Variants in XKR4 observed in about 807,000 individuals in gnomAD.
XKR4 encodes the protein XK related 4.
A neutral mutation model predicts 53.9 loss-of-function variants in XKR4; 12 were observed. The observed-to-expected ratio is 0.22, with a 90% CI of 0.14 to 0.36. The LOEUF (loss-of-function observed/expected upper bound fraction) is 0.36. Ranked by LOEUF, XKR4 falls within the 10% of genes least tolerant of loss-of-function variation. XKR4 has a pLI of 1.00. For synonymous variants in XKR4, 354 were observed against 362.4 expected (o/e 0.98, Z 0.26); for missense variants, 799 against 859.5 (o/e 0.93, Z 0.88).
At chr8:55,106,290 A>G (rs966590467) in intron 1 of XKR4, among the ~76,000 whole-genome samples, 3 of 152,194 alleles carry the variant, frequency 2.0e-5, no homozygotes, top group African/African-American at 7.2e-5. Flanking sequence ...TAAGATTTGC[A>G]TGTATTTATA....
At chr8:55,345,721 T>C (rs572384926) in intron 1 of XKR4, among the ~76,000 whole-genome samples, 2 of 152,324 alleles carry the variant, frequency 1.3e-5, no homozygotes, top group East Asian at 3.9e-4. Context: ...ACATGCACAC[T>C]CATTGCTTTG....
intron 1 of XKR4, among the ~76,000 whole-genome samples, chr8:55,192,212 TAA>T (rs1356399374): frequency 4.3e-3 from 615 of 142,922 alleles, no homozygotes; most frequent in Non-Finnish European, 5.3e-3. Context: ...TTAAGGGACT[TAA>T]TACAATTCTT....
intron 1 of XKR4, among the ~76,000 whole-genome samples, chr8:55,124,524 ATTTT>A (rs1186876328): frequency 6.6e-6 from 1 of 152,100 alleles, no homozygotes; most frequent in African/African-American, 2.4e-5. Context: ...AGTTGGTGTC[ATTTT>A]TAATCTTTTC....
At chr8:55,455,770 C>A (rs1805560650) in intron 2 of XKR4, among the ~76,000 whole-genome samples, 1 of 152,170 alleles carries the variant, frequency 6.6e-6, no homozygotes. Flanking sequence ...AAGGCCATGG[C>A]AGACTTGAGA....
intron 1 of XKR4, among the ~76,000 whole-genome samples, chr8:55,268,634 A>T (rs1402012789): frequency 2.0e-5 from 3 of 152,182 alleles, no homozygotes; most frequent in Non-Finnish European, 4.4e-5. Context: ...GATAGTTAGG[A>T]AGACAATTAA....
At chr8:55,450,593 T>C in intron 2 of XKR4, 1 of 728,172 alleles carries the variant, frequency 1.4e-6, no homozygotes, top group South Asian at 1.4e-5. Context: ...CTGGCTGAAC[T>C]CAAACTCCAT....
chr8:55,292,297 C>T (rs183302863), intron 1 of XKR4, among the ~76,000 whole-genome samples: 7 of 151,898 alleles, frequency 4.6e-5, no homozygotes, highest in South Asian at 2.1e-4. Context: ...GAGATTTTTG[C>T]GGGGAGAGTC....
intron 1 of XKR4, among the ~76,000 whole-genome samples, chr8:55,281,170 C>G (rs189909280): frequency 1.3e-5 from 2 of 152,272 alleles, no homozygotes; most frequent in African/African-American, 4.8e-5. Flanking sequence ...TCTGCAGGAG[C>G]TGGGCATTGA....
intron 1 of XKR4, among the ~76,000 whole-genome samples, chr8:55,166,756 G>T (rs1817070902): frequency 6.6e-6 from 1 of 152,148 alleles, no homozygotes; most frequent in African/African-American, 2.4e-5. Flanking sequence ...ATGTTCAAGG[G>T]CAGCAAGAAG....
intron 2 of XKR4, chr8:55,451,929 G>A: frequency 1.3e-6 from 1 of 788,986 alleles, no homozygotes; most frequent in Non-Finnish European, 2.2e-6. Context: ...GGTCCTCAGA[G>A]GGCGGCTGGC....
chr8:55,358,201 T>C (rs552401915), intron 2 of XKR4, among the ~76,000 whole-genome samples: 1 of 152,278 alleles, frequency 6.6e-6, no homozygotes, highest in East Asian at 1.9e-4. Context: ...TTTCCAAAAG[T>C]TGCAAAGAAA....
chr8:55,451,131 T>C (rs1805435032), intron 2 of XKR4: 4 of 517,576 alleles, frequency 7.7e-6, no homozygotes, highest in African/African-American at 1.9e-5. Context: ...GAGGGCTGCT[T>C]GCTGTGGCCA....
rs139781086 is a variant in XKR4, at chr8:55,293,535, T to C, written c.807-64143T>C. On this transcript the variant is annotated intron_variant, in intron 1 of 2. Transcript: ENST00000327381. ...AAATGACATCACATACATTTTATCATTTATATCTGCTTAAGTTTTGAGAAA... is the reference window on the plus strand; with the variant it reads ...AAATGACATCACATACATTTTATCACTTATATCTGCTTAAGTTTTGAGAAA... Among the ~76,000 whole-genome samples, 398 of 152,310 alleles carry C rather than the reference T, an allele frequency of 2.6e-3. 1 individual carries two copies. Among genetic ancestry groups the C allele is most frequent in the African/African-American group, 8.4e-3 (348 of 41,566 alleles).
chr8:55,328,549 C>T (rs541124685), intron 1 of XKR4, among the ~76,000 whole-genome samples: 21 of 152,320 alleles, frequency 1.4e-4, no homozygotes, highest in African/African-American at 4.8e-4. Context: ...TGACCTCTTA[C>T]TTGAAGAGCA....
At chr8:55,352,706 G>C (rs1321152344) in intron 1 of XKR4, among the ~76,000 whole-genome samples, 5 of 152,172 alleles carry the variant, frequency 3.3e-5, no homozygotes, top group Non-Finnish European at 7.3e-5. Context: ...GATTGGTACT[G>C]TGATTTTCCC....
intron 2 of XKR4, among the ~76,000 whole-genome samples, chr8:55,386,679 T>C (rs1172199781): frequency 1.3e-5 from 2 of 152,206 alleles, no homozygotes; most frequent in Non-Finnish European, 2.9e-5. Flanking sequence ...GAGATAAGTC[T>C]GCAGCTGGAA....
chr8:55,127,259 T>G (rs1188655184), intron 1 of XKR4, among the ~76,000 whole-genome samples: 2 of 151,962 alleles, frequency 1.3e-5, no homozygotes, highest in African/African-American at 4.8e-5. Context: ...TTTTTTCATT[T>G]TTTTTAATTT....
rs540517119 is a variant in XKR4, at chr8:55,250,087, A to G, written c.807-107591A>G. Reference sequence around the variant, plus strand: ...ATCTTAATGGAATTTAAGCTAATATACATTGTTCAAAGTCATTTGTAAGTT... The same window carrying G: ...ATCTTAATGGAATTTAAGCTAATATGCATTGTTCAAAGTCATTTGTAAGTT... On this transcript the variant is annotated intron_variant, in intron 1 of 2. Transcript: ENST00000327381. Among the ~76,000 whole-genome samples the G allele has an allele frequency of 3.3e-5, 5 of 152,276 alleles. No individual in the cohort carries two copies. The East Asian group carries it at 9.7e-4, about 29-fold the overall frequency.
chr8:55,508,031 G>A (rs946642371), intron 2 of XKR4, among the ~76,000 whole-genome samples: 3 of 152,220 alleles, frequency 2.0e-5, no homozygotes, highest in Middle Eastern at 3.4e-3. Context: ...AAAGAGCCTT[G>A]AATGTGGAAT....
Sources: gnomAD v4.1 joint callset for allele counts (sites outside exome capture counted in the v4.1 genomes callset) on GRCh38, gnomAD v4.1.1 for gene constraint, MANE v1.5 for transcripts, NCBI Gene and HGNC (gene_info 2026-07-23, HGNC 2026-07-21) for gene names.